The following ZCCHC17 variants were observed in gnomAD, a reference collection of about 807,000 sequenced individuals.
ZCCHC17 encodes zinc finger CCHC-type containing 17.
ZCCHC17 carries 18 observed loss-of-function variants against 30.6 expected under a neutral mutation model. That is an observed-to-expected ratio of 0.59 (90% confidence interval 0.41 to 0.87). The LOEUF (loss-of-function observed/expected upper bound fraction) is 0.87. Ranked by LOEUF, ZCCHC17 falls within the 40% of genes least tolerant of loss-of-function variation. The pLI, the probability that ZCCHC17 is intolerant of heterozygous loss-of-function variation, is 0.00. For synonymous variants in ZCCHC17, 88 were observed against 92.4 expected (o/e 0.95, Z 0.27); for missense variants, 263 against 284.2 (o/e 0.93, Z 0.54).
chr1:31,354,203 G>A (rs532386068), intron 7 of ZCCHC17, among the ~76,000 whole-genome samples: 3 of 152,092 alleles, frequency 2.0e-5, no homozygotes, highest in South Asian at 4.2e-4. Flanking sequence ...ATGCTACTGT[G>A]TGAATTGTTT....
At position 31,362,423 on chromosome 1, in the gene ZCCHC17, A is replaced by G. The variant is rs546131203; in HGVS notation, c.565-1609A>G. Among the ~76,000 whole-genome samples the G allele has an allele frequency of 9.2e-5, 14 of 152,354 alleles. No individual in the cohort carries two copies. In the South Asian group the frequency reaches 2.7e-3, roughly 29 times the overall value. ...GAGGCAATATAGGTATTTGAAATTC[A>G]AAGAAGAGATTTATGCCGTGCTTAA... On this transcript the variant is annotated intron_variant, in intron 7 of 7. Transcript: ENST00000344147.
At chr1:31,306,302 A>G (rs1016766988) in intron 1 of ZCCHC17, among the ~76,000 whole-genome samples, 1 of 152,100 alleles carries the variant, frequency 6.6e-6, no homozygotes, top group African/African-American at 2.4e-5. Context: ...CGTGGCCATT[A>G]TTAAGTAAAG....
chr1:31,311,855 G>T (rs1444213319), intron 2 of ZCCHC17, among the ~76,000 whole-genome samples: 1 of 152,208 alleles, frequency 6.6e-6, no homozygotes, highest in Non-Finnish European at 1.5e-5. Flanking sequence ...GTATTAAGAA[G>T]TATTAATCAC....
intron 3 of ZCCHC17, among the ~76,000 whole-genome samples, chr1:31,324,236 G>A (rs1638247744): frequency 6.6e-6 from 1 of 152,230 alleles, no homozygotes; most frequent in African/African-American, 2.4e-5. Flanking sequence ...TACTTGGGAG[G>A]CTGAAGTAGT....
chr1:31,351,672 G>C (rs991157077), intron 7 of ZCCHC17, among the ~76,000 whole-genome samples: 3 of 152,094 alleles, frequency 2.0e-5, no homozygotes, highest in Non-Finnish European at 4.4e-5. Flanking sequence ...GGGCCCAGGG[G>C]TCAAGGCAGC....
At chr1:31,345,560 AT>A (rs1639228942) in intron 5 of ZCCHC17, among the ~76,000 whole-genome samples, 3 of 139,704 alleles carry the variant, frequency 2.1e-5, no homozygotes, top group Non-Finnish European at 4.6e-5. Context: ...ATATATATAT[AT>A]AATATAATAT....
Position 31,348,561 on chromosome 1 carries a change from AC to A in ZCCHC17, c.419-266del, listed in dbSNP as rs1639356279. 2.0e-5 allele frequency among the ~76,000 whole-genome samples: 3 copies of A among 152,256 alleles called. No homozygotes were observed. The South Asian group carries it at 6.2e-4, about 32-fold the overall frequency. On this transcript the variant is annotated intron_variant, in intron 6 of 7. Coordinates refer to ENST00000344147, the MANE Select transcript of ZCCHC17 (RefSeq NM_016505.4). ...CCATTGTTAATGGAGGGCAGTAAAA[AC>A]CTGCATCCTCATATCCTTTGCCATT...
At chr1:31,315,174 T>A (rs1415461463) in intron 2 of ZCCHC17, among the ~76,000 whole-genome samples, 1 of 152,208 alleles carries the variant, frequency 6.6e-6, no homozygotes, top group Non-Finnish European at 1.5e-5. Flanking sequence ...GGTAACTACT[T>A]CAAATTTATT....
chr1:31,359,251 C>T (rs1310524437), intron 7 of ZCCHC17, among the ~76,000 whole-genome samples: 3 of 152,078 alleles, frequency 2.0e-5, no homozygotes, highest in Middle Eastern at 3.4e-3. Context: ...TGTGGTGGCT[C>T]ATGCCTGTAA....
chr1:31,303,934 A>G (rs868069544), intron 1 of ZCCHC17, among the ~76,000 whole-genome samples: 33 of 152,072 alleles, frequency 2.2e-4, no homozygotes, highest in African/African-American at 7.2e-4. Context: ...ATTCTTCCCT[A>G]TATTGCAGTT....
chr1:31,347,708 G>A (rs1454048114), intron 6 of ZCCHC17, among the ~76,000 whole-genome samples: 2 of 152,096 alleles, frequency 1.3e-5, no homozygotes, highest in Non-Finnish European at 1.5e-5. Context: ...GACCTCCTGG[G>A]CTCAAGCAAT....
At chr1:31,333,213 A>G (rs1638660320) in intron 3 of ZCCHC17, 1 of 152,174 alleles carries the variant, frequency 6.6e-6, no homozygotes, top group Non-Finnish European at 1.5e-5. Flanking sequence ...AATAAGTACA[A>G]TAAAATAATA....
At chr1:31,297,877 A>G (rs1646205364) in intron 1 of ZCCHC17, among the ~76,000 whole-genome samples, 1 of 152,254 alleles carries the variant, frequency 6.6e-6, no homozygotes, top group Non-Finnish European at 1.5e-5. Flanking sequence ...TAAAAGCACA[A>G]AGAGCCAGTG....
chr1:31,331,936 A>G (rs1638610095), intron 3 of ZCCHC17, among the ~76,000 whole-genome samples: 1 of 152,228 alleles, frequency 6.6e-6, no homozygotes, highest in Middle Eastern at 3.4e-3. Flanking sequence ...TGAGGAAGTG[A>G]TAGTACACTA....
chr1:31,317,031 T>C (rs75028262), intron 2 of ZCCHC17, among the ~76,000 whole-genome samples: 7 of 135,672 alleles, frequency 5.2e-5, no homozygotes, highest in East Asian at 6.1e-4. Flanking sequence ...TTTCTTTTTT[T>C]TTTTTTTTTT....
intron 1 of ZCCHC17, among the ~76,000 whole-genome samples, chr1:31,306,888 A>G (rs1646473391): frequency 6.6e-6 from 1 of 151,284 alleles, no homozygotes; most frequent in Non-Finnish European, 1.5e-5. Flanking sequence ...ACCAGGCTAG[A>G]CTATAGTGGG....
At chr1:31,311,477 A>G (rs1454753594) in intron 2 of ZCCHC17, among the ~76,000 whole-genome samples, 4 of 152,202 alleles carry the variant, frequency 2.6e-5, no homozygotes, top group Non-Finnish European at 4.4e-5. Flanking sequence ...TGCTATAACA[A>G]AATACCTGAG....
chr1:31,336,468 T>C (rs1352758993), intron 3 of ZCCHC17, among the ~76,000 whole-genome samples: 1 of 152,246 alleles, frequency 6.6e-6, no homozygotes, highest in Admixed American at 6.5e-5. Flanking sequence ...ATCACATCTT[T>C]ACTAATATGG....
chr1:31,319,160 A>G lies in ZCCHC17; in HGVS notation c.118A>G (p.Lys40Glu). ...GAFIKIPGCR[K>E]QGLVHRTHMS... ...CTTTATCAAAATCCCAGGCTGTCGG[A>G]AGCAAGGTAGGAGTTTATAACTTGA... Residue 40 changes from lysine to glutamate, a missense_variant, in exon 3 of 8, where the codon AAG becomes GAG. Physicochemically the swap from Lys to Glu is moderately conservative, Grantham distance 56. Coordinates refer to ENST00000344147, the MANE Select transcript of ZCCHC17 (RefSeq NM_016505.4). 3 of 1,610,756 alleles carry G rather than the reference A, an allele frequency of 1.9e-6. No individual in the cohort carries two copies. Among genetic ancestry groups the G allele is most frequent in the Non-Finnish European group, 2.5e-6 (3 of 1,177,534 alleles).
Sources: allele counts gnomAD v4.1 joint callset (sites outside exome capture counted in the v4.1 genomes callset), GRCh38; gene constraint gnomAD v4.1.1; transcripts MANE v1.5; gene names NCBI Gene and HGNC (gene_info 2026-07-23, HGNC 2026-07-21).